DCC: variants seen among roughly 807,000 people sequenced by gnomAD.
DCC encodes DCC netrin 1 receptor.
In DCC, 58 loss-of-function variants were observed where a neutral mutation model predicts 172.5. The ratio of observed to expected loss-of-function variants is 0.34; its 90% CI spans 0.27 to 0.42. DCC has a LOEUF of 0.42. Ranked by LOEUF, DCC falls within the 10% of genes least tolerant of loss-of-function variation. DCC has a pLI of 1.00. For missense variants in DCC, 1,740 were observed against 1,791.0 expected, an observed-to-expected ratio of 0.97 and a Z score of 0.51; for synonymous variants, 709 against 644.5, an observed-to-expected ratio of 1.10 and a Z score of -1.52.
intron 1 of DCC, among the ~76,000 whole-genome samples, chr18:52,543,339 T>C (rs2032518034): frequency 6.6e-6 from 1 of 152,190 alleles, no homozygotes; most frequent in Non-Finnish European, 1.5e-5. Context: ...CATTTTTTTC[T>C]ACTAAGCCTT....
chr18:52,342,651 C>G (rs987118049), intron 1 of DCC, among the ~76,000 whole-genome samples: 6 of 152,198 alleles, frequency 3.9e-5, no homozygotes, highest in African/African-American at 1.4e-4. Context: ...GCATCCCTTA[C>G]TGGGTAGAAA....
In DCC at chr18:52,783,121, C is replaced by T. The variant is rs60861753; in HGVS notation, c.412+30747C>T. On this transcript the variant is annotated intron_variant, in intron 2 of 28. Transcript: ENST00000442544. ...CCAATACTTTCAGAGGAAGCATAGT[C>T]TTAGACTCTATTTATCATTTAAGTG... is the stretch of plus-strand genomic sequence containing the variant. Among the ~76,000 whole-genome samples, 3 of 150,940 alleles carry T rather than the reference C, an allele frequency of 2.0e-5. No individual in the cohort carries two copies. In the East Asian group the frequency reaches 5.8e-4, roughly 29 times the overall value.
At chr18:52,956,088 G>T (rs1048118250) in intron 5 of DCC, among the ~76,000 whole-genome samples, 43 of 151,732 alleles carry the variant, frequency 2.8e-4, no homozygotes, top group East Asian at 1.2e-3. Flanking sequence ...ACTTATCAAT[G>T]ATCTCTTTCA....
At chr18:53,485,673 T>C (rs2144355848) in intron 25 of DCC, among the ~76,000 whole-genome samples, 1 of 152,236 alleles carries the variant, frequency 6.6e-6, no homozygotes, top group Non-Finnish European at 1.5e-5. Flanking sequence ...ATAATTTCAA[T>C]AGCTAGTTTA....
At chr18:53,117,265 T>G (rs1037657959) in intron 7 of DCC, among the ~76,000 whole-genome samples, 3 of 151,772 alleles carry the variant, frequency 2.0e-5, no homozygotes, top group Non-Finnish European at 2.9e-5. Flanking sequence ...AAAGTTTACT[T>G]GCTCCGTATG....
At chr18:52,418,102 A>C (rs1568161142) in intron 1 of DCC, among the ~76,000 whole-genome samples, 1 of 152,220 alleles carries the variant, frequency 6.6e-6, no homozygotes, top group Non-Finnish European at 1.5e-5. Flanking sequence ...AAATTATTTA[A>C]AACCAACAGA....
intron 13 of DCC, among the ~76,000 whole-genome samples, chr18:53,313,021 GAAGGGAAGAAGGAGGA>G (rs750908276): frequency 1.4e-5 from 1 of 71,386 alleles, no homozygotes. Flanking sequence ...AGGAAGAAAG[GAAGGGAAGAAGGAGGA>G]AAGGGAAGAA....
At chr18:53,306,577 G>T (rs2057202943) in intron 13 of DCC, among the ~76,000 whole-genome samples, 1 of 152,202 alleles carries the variant, frequency 6.6e-6, no homozygotes, top group Admixed American at 6.5e-5. Context: ...TAGAAGGTGT[G>T]AGCAGTTGCT....
chr18:53,397,592 T>G, intron 18 of DCC, 146 bp downstream of exon 18: 2 of 834,004 alleles, frequency 2.4e-6, no homozygotes, highest in Non-Finnish European at 3.8e-6. Context: ...AGCACTTTTA[T>G]ATCTAAGAGT....
At chr18:52,886,537 C>G (rs964747464) in intron 2 of DCC, among the ~76,000 whole-genome samples, 5 of 152,308 alleles carry the variant, frequency 3.3e-5, no homozygotes, top group African/African-American at 9.6e-5. Flanking sequence ...ACCTGGCAGG[C>G]TAAGAGCTCC....
chr18:52,973,914 T>C (rs563053269), intron 5 of DCC, among the ~76,000 whole-genome samples: 1 of 152,290 alleles, frequency 6.6e-6, no homozygotes, highest in South Asian at 2.1e-4. Flanking sequence ...GAAGATTCAT[T>C]GAATGTTTTC....
intron 27 of DCC, among the ~76,000 whole-genome samples, chr18:53,513,575 C>A (rs1166269950): frequency 6.6e-6 from 1 of 152,138 alleles, no homozygotes; most frequent in Non-Finnish European, 1.5e-5. Flanking sequence ...ACCCATCTCA[C>A]ATGCAGAGAC....
chr18:53,119,044 G>C (rs2043445999), intron 7 of DCC, among the ~76,000 whole-genome samples: 1 of 151,770 alleles, frequency 6.6e-6, no homozygotes, highest in Admixed American at 6.6e-5. Context: ...CCTATTAGAA[G>C]TAAAGGCTTA....
intron 1 of DCC, among the ~76,000 whole-genome samples, chr18:52,489,183 T>G (rs77258447): frequency 6.6e-6 from 1 of 152,198 alleles, no homozygotes; most frequent in African/African-American, 2.4e-5. Context: ...AGAACCTGCA[T>G]GTAAACTGGC....
chr18:52,769,628 G>A (rs1395396570), intron 2 of DCC, among the ~76,000 whole-genome samples: 4 of 152,024 alleles, frequency 2.6e-5, no homozygotes, highest in African/African-American at 7.3e-5. Flanking sequence ...TTTACATATT[G>A]TTGTATCTCA....
At chr18:52,484,915 T>C (rs761710085) in intron 1 of DCC, among the ~76,000 whole-genome samples, 25 of 152,308 alleles carry the variant, frequency 1.6e-4, no homozygotes, top group Non-Finnish European at 3.1e-4. Flanking sequence ...AAACTTTTGT[T>C]GTCTGATTGA....
intron 11 of DCC, among the ~76,000 whole-genome samples, chr18:53,214,173 C>T (rs753197328): frequency 3.3e-5 from 5 of 151,834 alleles, no homozygotes; most frequent in South Asian, 2.1e-4. Context: ...TGAAAGAATA[C>T]TTGCTGAGTT....
intron 1 of DCC, among the ~76,000 whole-genome samples, chr18:52,734,357 A>G (rs2036692139): frequency 6.6e-6 from 1 of 152,156 alleles, no homozygotes; most frequent in East Asian, 1.9e-4. Flanking sequence ...AAAATGCACA[A>G]TGTCATAATT....
At chr18:53,353,351 C>G (rs1035329230) in intron 15 of DCC, among the ~76,000 whole-genome samples, 2 of 150,786 alleles carry the variant, frequency 1.3e-5, no homozygotes, top group African/African-American at 4.9e-5. Flanking sequence ...TAAAACCCAC[C>G]AACGTTATAT....
Sources: allele counts gnomAD v4.1 joint callset (sites outside exome capture counted in the v4.1 genomes callset), GRCh38; gene constraint gnomAD v4.1.1; transcripts MANE v1.5; gene names NCBI Gene and HGNC (gene_info 2026-07-23, HGNC 2026-07-21).